Variants in FRAS1 observed in about 807,000 individuals in gnomAD.
The protein encoded by FRAS1 is Fraser extracellular matrix complex subunit 1.
In FRAS1, 290 loss-of-function variants were observed where a neutral mutation model predicts 435.2. The observed-to-expected ratio is 0.67, with a 90% CI of 0.61 to 0.73. FRAS1 has a LOEUF of 0.73. Among genes scored for constraint, FRAS1 ranks in the 30% least tolerant of loss-of-function variants. FRAS1 has a pLI of 0.00. For missense variants in FRAS1, 4,860 were observed against 5,001.5 expected, an observed-to-expected ratio of 0.97 and a Z score of 0.85; for synonymous variants, 1,800 against 1,851.0, an observed-to-expected ratio of 0.97 and a Z score of 0.71.
At chr4:78,282,591 G>C (rs151029428) in intron 11 of FRAS1, among the ~76,000 whole-genome samples, 2 of 130,554 alleles carry the variant, frequency 1.5e-5, no homozygotes, top group Non-Finnish European at 3.2e-5. Context: ...AAAATCTTTC[G>C]GCTGGTTCTC....
At chr4:78,429,784 A>C (rs148957746) in intron 36 of FRAS1, among the ~76,000 whole-genome samples, 8 of 152,222 alleles carry the variant, frequency 5.3e-5, no homozygotes, top group African/African-American at 1.9e-4. Context: ...CAGTTTCTAC[A>C]TATGGGGTTT....
At chr4:78,262,738 G>A (rs755476975) in intron 6 of FRAS1, among the ~76,000 whole-genome samples, 7 of 152,056 alleles carry the variant, frequency 4.6e-5, no homozygotes, top group African/African-American at 9.7e-5. Flanking sequence ...AACCATAGCC[G>A]AATACATCTT....
At chr4:78,489,519 G>A (rs563956529) in intron 59 of FRAS1, among the ~76,000 whole-genome samples, 1 of 152,254 alleles carries the variant, frequency 6.6e-6, no homozygotes, top group Admixed American at 6.5e-5. Flanking sequence ...CAGGAGTAGA[G>A]AGACAGAAAA....
chr4:78,277,464 C>G (rs539742880), intron 9 of FRAS1, among the ~76,000 whole-genome samples: 3 of 152,212 alleles, frequency 2.0e-5, no homozygotes, highest in Non-Finnish European at 2.9e-5. Context: ...AACCGCCCCC[C>G]CCATTCTTTA....
intron 65 of FRAS1, among the ~76,000 whole-genome samples, chr4:78,513,970 G>C (rs1721126961): frequency 1.3e-5 from 2 of 152,244 alleles, no homozygotes; most frequent in Non-Finnish European, 2.9e-5. Flanking sequence ...GAAAGCTGAA[G>C]TGAAGATGGT....
intron 54 of FRAS1, among the ~76,000 whole-genome samples, chr4:78,477,053 T>G (rs942920033): frequency 6.6e-6 from 1 of 151,770 alleles, no homozygotes. Flanking sequence ...TGTGTACATA[T>G]AAAATAATTT....
At chr4:78,289,275 T>C (rs10023496) in intron 14 of FRAS1, among the ~76,000 whole-genome samples, 49,357 of 148,730 alleles carry the variant, frequency 0.33, 8,415 homozygotes, top group East Asian at 0.58. Flanking sequence ...TAGGGGTATA[T>C]GCACAAACAC....
intron 14 of FRAS1, among the ~76,000 whole-genome samples, chr4:78,288,980 G>T (rs1017769099): frequency 1.3e-5 from 2 of 152,140 alleles, no homozygotes; most frequent in African/African-American, 4.8e-5. Context: ...CTCTTGGCAG[G>T]GTCATTTATG....
intron 66 of FRAS1, among the ~76,000 whole-genome samples, chr4:78,518,435 T>TAC (rs1721279571): frequency 1.7e-5 from 1 of 60,212 alleles, no homozygotes; most frequent in Non-Finnish European, 3.6e-5. Context: ...TATATATATA[T>TAC]ATATATATAT....
chr4:78,153,564 G>C (rs568244974), intron 2 of FRAS1, among the ~76,000 whole-genome samples: 1 of 152,244 alleles, frequency 6.6e-6, no homozygotes, highest in Non-Finnish European at 1.5e-5. Context: ...AGTATATTTA[G>C]AACATTTAGC....
rs1742408191 is a variant in FRAS1, at chr4:78,106,012, T to G, written c.108+39996T>G. ...GGATGCACCTGGAAAATCGGGTCACTCCCACCCGAATATTGCGCTTTTCAG... is the reference window on the plus strand; with the variant it reads ...GGATGCACCTGGAAAATCGGGTCACGCCCACCCGAATATTGCGCTTTTCAG... On this transcript the variant is annotated intron_variant, in intron 2 of 73. Transcript: ENST00000512123. Among the ~76,000 whole-genome samples, 3 of 133,384 alleles carry G rather than the reference T, an allele frequency of 2.2e-5. 1 individual carries two copies. The Admixed American group carries it at 2.3e-4, about 10-fold the overall frequency. The allele number at this position is 133,384 out of a possible 152,430, so 87.5% of individuals were successfully genotyped here. A position where few individuals can be genotyped will look rare whatever the true frequency, so the allele number is the denominator to read the frequency against.
chr4:78,088,391 CCAAAAGCAATGGCCA>C (rs1275476148), intron 2 of FRAS1, among the ~76,000 whole-genome samples: 1 of 152,068 alleles, frequency 6.6e-6, no homozygotes, highest in African/African-American at 2.4e-5. Flanking sequence ...GTCTAAAACA[CCAAAAGCAATGGCCA>C]CAAAAGCCAA....
At chr4:78,360,173 G>T (rs575314428) in intron 20 of FRAS1, among the ~76,000 whole-genome samples, 1 of 152,340 alleles carries the variant, frequency 6.6e-6, no homozygotes. Context: ...GCTGAGAGGA[G>T]AGAGTTTTGA....
chr4:78,073,190 G>A (rs768108784), intron 2 of FRAS1, among the ~76,000 whole-genome samples: 9 of 152,174 alleles, frequency 5.9e-5, no homozygotes, highest in Non-Finnish European at 1.2e-4. Flanking sequence ...ATAATTAGAT[G>A]TGCTGGTTTC....
At chr4:78,355,036 G>A (rs1036135771) in intron 20 of FRAS1, among the ~76,000 whole-genome samples, 1 of 152,118 alleles carries the variant, frequency 6.6e-6, no homozygotes, top group African/African-American at 2.4e-5. Context: ...TGACATATTA[G>A]AGGATTCTAC....
chr4:78,453,850 G>A (rs1165153293), intron 47 of FRAS1, among the ~76,000 whole-genome samples: 1 of 152,122 alleles, frequency 6.6e-6, no homozygotes, highest in Non-Finnish European at 1.5e-5. Context: ...GGAACATAGA[G>A]GCAGTGACAG....
At chr4:78,114,391 A>T (rs975258074) in intron 2 of FRAS1, among the ~76,000 whole-genome samples, 1 of 152,134 alleles carries the variant, frequency 6.6e-6, no homozygotes, top group African/African-American at 2.4e-5. Context: ...GTTGATGGGG[A>T]TGGCTTTGAA....
At chr4:78,092,424 GCAAGTCA>G (rs1741580443) in intron 2 of FRAS1, among the ~76,000 whole-genome samples, 1 of 152,186 alleles carries the variant, frequency 6.6e-6, no homozygotes, top group East Asian at 1.9e-4. Context: ...GCAAGGAGGA[GCAAGTCA>G]CATCTTATGT....
intron 2 of FRAS1, among the ~76,000 whole-genome samples, chr4:78,141,893 C>A (rs1720201173): frequency 6.6e-6 from 1 of 152,010 alleles, no homozygotes; most frequent in Admixed American, 6.6e-5. Context: ...AATGGAACAC[C>A]AAACATCATA....
Sources: allele counts gnomAD v4.1 joint callset (sites outside exome capture counted in the v4.1 genomes callset), GRCh38; gene constraint gnomAD v4.1.1; transcripts MANE v1.5; gene names NCBI Gene and HGNC (gene_info 2026-07-23, HGNC 2026-07-21).